The following FAM91A1 variants were observed in gnomAD, a reference collection of about 807,000 sequenced individuals.
FAM91A1 encodes family with sequence similarity 91 member A1.
Under a neutral mutation model 113.5 loss-of-function variants are expected in FAM91A1, and 41 were observed. That is an observed-to-expected ratio of 0.36 (90% CI 0.28 to 0.47). The LOEUF is 0.47. Among genes scored for constraint, FAM91A1 ranks in the 20% least tolerant of loss-of-function variants. The pLI, the probability that FAM91A1 is intolerant of heterozygous loss-of-function variation, is 1.00. For missense variants in FAM91A1, 696 were observed against 1,001.2 expected (o/e 0.70, Z 4.11); for synonymous variants, 307 against 347.9 (o/e 0.88, Z 1.31).
intron 2 of FAM91A1, among the ~76,000 whole-genome samples, chr8:123,774,864 C>T (rs1814942447): frequency 6.6e-6 from 1 of 152,110 alleles, no homozygotes. Context: ...CAATAAAGCT[C>T]TGTTTTGTAC....
chr8:123,784,999 A>G, intron 9 of FAM91A1, 82 bp from the exon 10 acceptor site: 1 of 1,023,922 alleles, frequency 9.8e-7, no homozygotes, highest in African/African-American at 1.6e-5. Flanking sequence ...TTTGCTGATT[A>G]TGATTATATT....
chr8:123,786,289 A>G (rs143054324), intron 11 of FAM91A1: 1 of 519,292 alleles, frequency 1.9e-6, no homozygotes, highest in Non-Finnish European at 3.5e-6. Context: ...GGGTTCTTGA[A>G]TTTTCTGAAG....
chr8:123,794,661 C>T (rs1391473932), intron 15 of FAM91A1, among the ~76,000 whole-genome samples: 1 of 152,176 alleles, frequency 6.6e-6, no homozygotes, highest in Non-Finnish European at 1.5e-5. Context: ...TTGCCTATTG[C>T]AGTTAAAAGT....
At position 123,768,483 on chromosome 8, in the gene FAM91A1, G is replaced by C; in HGVS notation, c.-220G>C. 2 of 477,762 alleles carry C rather than the reference G, an allele frequency of 4.2e-6. No individual in the cohort carries two copies. Among genetic ancestry groups the C allele is most frequent in the Admixed American group, 4.2e-5 (1 of 24,076 alleles). 29.6% of individuals were successfully genotyped at this position (477,762 alleles called of 1,614,324 possible). ...CGAAACTAGGAAGAAACTTGGAGCT[G>C]TTCAGGCGATCCAGCCTCCAATCGC... On this transcript the variant is annotated 5_prime_UTR_variant, in exon 1 of 24. Coordinates refer to ENST00000334705, the MANE Select transcript of FAM91A1 (RefSeq NM_144963.4).
intron 21 of FAM91A1, 104 bp downstream of exon 21, chr8:123,808,480 G>T (rs557780719): frequency 3.8e-6 from 3 of 789,104 alleles, no homozygotes; most frequent in African/African-American, 3.6e-5. Context: ...TTATTCATAC[G>T]ACTTTTAAAT....
At chr8:123,802,934 G>A (rs1172354932) in intron 18 of FAM91A1, among the ~76,000 whole-genome samples, 6 of 152,304 alleles carry the variant, frequency 3.9e-5, no homozygotes, top group Non-Finnish European at 5.9e-5. Context: ...CTCAGAAAAC[G>A]TTATTGTGTT....
At chr8:123,785,816 T>C in intron 11 of FAM91A1, 75 bp downstream of exon 11, 1 of 691,154 alleles carries the variant, frequency 1.4e-6, no homozygotes, top group Admixed American at 3.7e-5. Context: ...TACATAAATT[T>C]ATTTATTTAT....
chr8:123,795,417 G>A (rs1397377577), intron 15 of FAM91A1, among the ~76,000 whole-genome samples: 1 of 131,748 alleles, frequency 7.6e-6, no homozygotes, highest in Non-Finnish European at 1.5e-5. Context: ...CATCATGATC[G>A]TGAGTTCTCA....
At chr8:123,799,923 T>C (rs894151568) in intron 18 of FAM91A1, 38 bp downstream of exon 18, 2 of 1,484,354 alleles carry the variant, frequency 1.3e-6, no homozygotes, top group Non-Finnish European at 1.8e-6. Context: ...CTTTTTATTA[T>C]AAAGTTGATA....
At chr8:123,806,287 G>A in intron 20 of FAM91A1, 58 bp downstream of exon 20, 1 of 1,503,180 alleles carries the variant, frequency 6.7e-7, no homozygotes, top group Non-Finnish European at 9.0e-7. Context: ...TTGACACAGT[G>A]TTAATATATG....
chr8:123,806,238 A>G lies in FAM91A1; in HGVS notation c.2032+9A>G, dbSNP rs756485734. Reference sequence around the variant, plus strand: ...TGCTTCTGATGAGAGAGGTTAGCCAATAGTTGGATTCTTTGGATTAAGATA... The same window carrying G: ...TGCTTCTGATGAGAGAGGTTAGCCAGTAGTTGGATTCTTTGGATTAAGATA... On this transcript the variant is annotated intron_variant, in intron 20 of 23. Coordinates refer to ENST00000334705, the MANE Select transcript of FAM91A1 (RefSeq NM_144963.4). 1.2e-6 allele frequency: 2 copies of G among 1,605,668 alleles called. No individual in the cohort carries two copies. The highest frequency in any genetic ancestry group is 1.1e-5 in the South Asian group (1 of 90,100).
At chr8:123,785,780 C>T (rs745691150) in intron 11 of FAM91A1, 39 bp downstream of exon 11, 2 of 1,194,258 alleles carry the variant, frequency 1.7e-6, no homozygotes, top group South Asian at 1.6e-5. Context: ...TTAGAGTTTC[C>T]TTTTGAAAAG....
At chr8:123,786,273 C>T in intron 11 of FAM91A1, 1 of 495,456 alleles carries the variant, frequency 2.0e-6, no homozygotes, top group Non-Finnish European at 3.6e-6. Flanking sequence ...TACATAAAAT[C>T]TTGAAGGGTT....
chr8:123,798,106 C>G lies in FAM91A1; in HGVS notation c.1428C>G (p.Leu476=). The G allele has an allele frequency of 6.2e-7, 1 of 1,613,560 alleles. No individual in the cohort carries two copies. The highest frequency in any genetic ancestry group is 1.1e-5 in the South Asian group (1 of 91,036). ...DQPNYGFPLD[L]LRCESLLGLD... is the part of the protein sequence containing the mutation. ...ATAACTCAGGTTTTCCTCTGGATCT[C>G]TTACGCTGTGAAAGCCTTCTTGGTT... Residue 476 remains leucine (L), a synonymous_variant, in exon 16 of 24, where the codon CTC becomes CTG. Coordinates refer to ENST00000334705, the MANE Select transcript of FAM91A1 (RefSeq NM_144963.4).
intron 5 of FAM91A1, 91 bp from the exon 6 acceptor site, chr8:123,778,568 A>T: frequency 1.3e-6 from 1 of 797,560 alleles, no homozygotes; most frequent in Non-Finnish European, 2.1e-6. Context: ...ATATTTATTT[A>T]GTCCATTAGA....
At chr8:123,777,413 C>G (rs1320643201) in intron 4 of FAM91A1, 91 bp downstream of exon 4, 2 of 1,197,018 alleles carry the variant, frequency 1.7e-6, no homozygotes, top group Non-Finnish European at 2.4e-6. Flanking sequence ...GTGTTTTTAA[C>G]CTGAAATATG....
intron 15 of FAM91A1, among the ~76,000 whole-genome samples, chr8:123,797,190 C>T (rs1482907795): frequency 6.6e-6 from 1 of 152,070 alleles, no homozygotes; most frequent in Non-Finnish European, 1.5e-5. Flanking sequence ...AAAGCAGTGC[C>T]AGAAAATAAA....
chr8:123,809,690 A>G (rs1471133093), intron 22 of FAM91A1, among the ~76,000 whole-genome samples: 1 of 152,242 alleles, frequency 6.6e-6, no homozygotes, highest in Non-Finnish European at 1.5e-5. Context: ...AAGTTGGACA[A>G]TAATTCATTT....
chr8:123,806,536 A>G (rs1425295494), intron 20 of FAM91A1, among the ~76,000 whole-genome samples: 1 of 152,226 alleles, frequency 6.6e-6, no homozygotes, highest in Admixed American at 6.5e-5. Flanking sequence ...AAGTCTCTTT[A>G]TACAAGTGTT....
Sources: gnomAD v4.1 joint callset for allele counts (sites outside exome capture counted in the v4.1 genomes callset) on GRCh38, gnomAD v4.1.1 for gene constraint, MANE v1.5 for transcripts, NCBI Gene and HGNC (gene_info 2026-07-23, HGNC 2026-07-21) for gene names.